Variants in GNE observed in about 807,000 individuals in gnomAD.
The protein encoded by GNE is bifunctional UDP-N-acetylglucosamine 2-epimerase/N-acetylmannosamine kinase.
Under a neutral mutation model 61.8 loss-of-function variants are expected in GNE, and 41 were observed. The observed-to-expected ratio is 0.66, with a 90% CI of 0.52 to 0.86. The LOEUF is 0.86. GNE is among the 40% of genes least tolerant of loss of function. The pLI, the probability that GNE is intolerant of heterozygous loss-of-function variation, is 0.00. For synonymous variants in GNE, 264 were observed against 326.4 expected (o/e 0.81, Z 2.06); for missense variants, 608 against 909.1 (o/e 0.67, Z 4.26).
upstream of GNE, among the ~76,000 whole-genome samples, chr9:36,259,709 G>A (rs967686081): frequency 2.0e-5 from 3 of 152,174 alleles, no homozygotes; most frequent in Non-Finnish European, 2.9e-5. Context: ...CGCCCAGGCT[G>A]GAGTACAGTG....
In GNE at chr9:36,216,053, T is replaced by C. The variant is rs781691497; in HGVS notation, c.*1312A>G. 3 of 304,638 alleles carry C rather than the reference T, an allele frequency of 9.8e-6. No homozygotes were observed. The highest frequency in any genetic ancestry group is 2.0e-5 in the Non-Finnish European group (3 of 151,150). 18.9% of individuals were successfully genotyped at this position (304,638 alleles called of 1,614,324 possible). On this transcript the variant is annotated 3_prime_UTR_variant, in exon 12 of 12. Coordinates refer to ENST00000642385, the MANE Select transcript of GNE (RefSeq NM_005476.7). The stretch of plus-strand genomic sequence containing the variant: ...TTTAGATCCCTGGTCTAAAGTCTCT[T>C]GTAAGTTCAGCTAGAGTAATAACAT...
At position 36,215,625 on chromosome 9, in the gene GNE, C is replaced by T. The variant is rs1828238779; in HGVS notation, c.*1740G>A. ...GTTCTATAAAATAAAAATTAAAACACCTACCTCATATGTTGAGATAATTTA... is the reference window on the plus strand; with the variant it reads ...GTTCTATAAAATAAAAATTAAAACATCTACCTCATATGTTGAGATAATTTA... On this transcript the variant is annotated 3_prime_UTR_variant, in exon 12 of 12. Transcript: ENST00000642385. 6.6e-6 allele frequency: 1 copy of T among 152,150 alleles called. No homozygotes were observed. The highest frequency in any genetic ancestry group is 1.5e-5 in the Non-Finnish European group (1 of 68,042). 9.4% of individuals were successfully genotyped at this position (152,150 alleles called of 1,614,324 possible). A position where few individuals can be genotyped will look rare whatever the true frequency, so the allele number is the denominator to read the frequency against.
At chr9:36,225,634 C>G (rs1828826199) in intron 7 of GNE, among the ~76,000 whole-genome samples, 1 of 152,110 alleles carries the variant, frequency 6.6e-6, no homozygotes, top group South Asian at 2.1e-4. Context: ...GACTCAGTCT[C>G]AAAAAACAAA....
At chr9:36,238,998 C>T (rs1829523883) in intron 3 of GNE, among the ~76,000 whole-genome samples, 1 of 152,098 alleles carries the variant, frequency 6.6e-6, no homozygotes, top group South Asian at 2.1e-4. Flanking sequence ...GTCCATTCCC[C>T]ACTTTATATT....
At chr9:36,224,707 AAAAAATAC>A (rs541658972) in intron 7 of GNE, among the ~76,000 whole-genome samples, 117 of 151,866 alleles carry the variant, frequency 7.7e-4, no homozygotes, top group African/African-American at 2.8e-3. Flanking sequence ...CCATCTCTAT[AAAAAATAC>A]AAAAATTAGC....
At chr9:36,265,550 T>C in intron 1 of GNE, 1 of 443,810 alleles carries the variant, frequency 2.3e-6, no homozygotes, top group Non-Finnish European at 4.6e-6. Context: ...GATATTCCTG[T>C]TTAGTAAATA....
intron 4 of GNE, among the ~76,000 whole-genome samples, chr9:36,236,420 G>A (rs1160390777): frequency 6.6e-6 from 1 of 152,026 alleles, no homozygotes. Flanking sequence ...GGCTGGTCTC[G>A]AACTCCTGAC....
chr9:36,236,848 A>G lies in GNE; in HGVS notation c.753T>C (p.Phe251=), dbSNP rs370479900. The change falls in exon 4 of 12, where the codon TTT becomes TTC. Residue 251 remains phenylalanine (F), a synonymous_variant. Transcript: ENST00000642385. The part of the protein sequence containing the change: ...ISFNKRTLVL[F]PNIDAGSKEM... ...TTCAATTACCTGCGTCAATATTTGG[A>G]AACAGGACTAGGGTCCGCTTGTTAA... 6.2e-7 allele frequency: 1 copy of G among 1,613,928 alleles called. No individual in the cohort carries two copies.
chr9:36,270,906 G>C (rs960044263), intron 1 of GNE, among the ~76,000 whole-genome samples: 14 of 152,232 alleles, frequency 9.2e-5, no homozygotes, highest in African/African-American at 3.1e-4. Context: ...TAAATAAGTG[G>C]AATTAACAAA....
At chr9:36,231,988 C>T (rs1587308233) in intron 5 of GNE, among the ~76,000 whole-genome samples, 1 of 152,102 alleles carries the variant, frequency 6.6e-6, no homozygotes. Flanking sequence ...AATCAGAAAT[C>T]TAGGCTGTAA....
At chr9:36,274,544 G>A (rs546361348) in intron 1 of GNE, among the ~76,000 whole-genome samples, 1 of 152,116 alleles carries the variant, frequency 6.6e-6, no homozygotes, top group East Asian at 1.9e-4. Flanking sequence ...TTATTCTTGA[G>A]ATATTTTACA....
rs923678970 is a variant in GNE, at chr9:36,246,476, T to C, written c.171A>G (p.Thr57=). 1.2e-6 allele frequency: 2 copies of C among 1,610,874 alleles called. No individual in the cohort carries two copies. Among genetic ancestry groups the C allele is most frequent in the South Asian group, 2.2e-5 (2 of 90,990 alleles). The change falls in exon 3 of 12, where the codon ACA becomes ACG. Residue 57 remains threonine (T), a synonymous_variant. Coordinates refer to ENST00000642385, the MANE Select transcript of GNE (RefSeq NM_005476.7). ...GSHLIDDYGN[T]YRMIEQDDFD... is the part of the protein sequence containing the mutation. ...AGTCATCTTGTTCAATCATTCGATA[T>C]GTATTTCTAAAGCCGGGGAGAAATA...
At position 36,225,871 on chromosome 9, in the gene GNE, G is replaced by A. The variant is rs1385474133; in HGVS notation, c.1281+1377C>T. ...CAGAATCACCTGGACAGCTTTTAACGAAGAGCGATGCCTGGCCCCCATCCC... is the reference window on the plus strand; with the variant it reads ...CAGAATCACCTGGACAGCTTTTAACAAAGAGCGATGCCTGGCCCCCATCCC... On this transcript the variant is annotated intron_variant, in intron 7 of 11. Coordinates refer to ENST00000642385, the MANE Select transcript of GNE (RefSeq NM_005476.7). 3.3e-5 allele frequency among the ~76,000 whole-genome samples: 5 copies of A among 152,124 alleles called. No homozygotes were observed. The East Asian group carries it at 5.8e-4, about 18-fold the overall frequency.
chr9:36,249,703 C>A (rs937218082), intron 1 of GNE, among the ~76,000 whole-genome samples: 3 of 151,796 alleles, frequency 2.0e-5, no homozygotes, highest in Non-Finnish European at 2.9e-5. Flanking sequence ...GTGGTGAAAC[C>A]CCGTCTCTAC....
intron 1 of GNE, among the ~76,000 whole-genome samples, chr9:36,273,764 G>A (rs900249867): frequency 3.3e-5 from 5 of 149,492 alleles, no homozygotes; most frequent in Non-Finnish European, 7.4e-5. Flanking sequence ...TCAGCCTCCC[G>A]AGTAGCTGGA....
chr9:36,227,433 C>G lies in GNE; in HGVS notation c.1096G>C (p.Ala366Pro). ...PCSKIYGDGN[A>P]VPRILKFLKS... is the part of the protein sequence containing the mutation. ...AGAAACTTCAAAATCCTTGGAACAG[C>G]ATTTCCATCCCCATATATCTTTGAA... The change falls in exon 7 of 12, where the codon GCT (alanine) becomes CCT (proline). Residue 366 changes from alanine to proline, a missense_variant. Ala to Pro is a conservative substitution (Grantham distance 27, BLOSUM62 -1). Transcript: ENST00000642385. 6.2e-7 allele frequency: 1 copy of G among 1,609,110 alleles called. No individual in the cohort carries two copies. The highest frequency in any genetic ancestry group is 8.5e-7 in the Non-Finnish European group (1 of 1,175,470).
chr9:36,229,591 G>A (rs573702638), intron 5 of GNE, among the ~76,000 whole-genome samples: 7 of 152,316 alleles, frequency 4.6e-5, no homozygotes, highest in South Asian at 2.1e-4. Flanking sequence ...AAGAGTGGAC[G>A]AGTAACATCT....
intron 3 of GNE, among the ~76,000 whole-genome samples, chr9:36,241,081 A>T (rs1829611796): frequency 6.9e-6 from 1 of 145,074 alleles, no homozygotes; most frequent in African/African-American, 2.5e-5. Flanking sequence ...TAACAGTTTT[A>T]TTTATCTTTT....
Position 36,218,157 on chromosome 9 carries a change from ACAGC to A in GNE, c.1933+22_1933+25del. 6 of 1,499,632 alleles carry A rather than the reference ACAGC, an allele frequency of 4.0e-6. No homozygotes were observed. The highest frequency in any genetic ancestry group is 5.6e-6 in the Non-Finnish European group (6 of 1,075,320). The allele number at this position is 1,499,632 out of a possible 1,614,324, so 92.9% of individuals were successfully genotyped here. ...GATATCTGAGGCCACCCCCTGCAGC[ACAGC>A]CACCTGCAGCCACATGCTCACCTGT... On this transcript the variant is annotated intron_variant, in intron 11 of 11. Transcript: ENST00000642385. This position sits in a 1 kb window ranked among gnomAD's most constrained non-coding sequence, Gnocchi z 4.1.
Sources: gnomAD v4.1 joint callset for allele counts (sites outside exome capture counted in the v4.1 genomes callset) on GRCh38, gnomAD v4.1.1 for gene constraint, Gnocchi (gnomAD v3.1) non-coding constraint, MANE v1.5 for transcripts, NCBI Gene and HGNC (gene_info 2026-07-23, HGNC 2026-07-21) for gene names.